Variants in CTNNA3 observed in about 807,000 individuals in gnomAD.
CTNNA3 encodes catenin alpha 3, also known as catenin alpha-3.
CTNNA3 carries 76 observed loss-of-function variants against 95.7 expected under a neutral mutation model. The ratio of observed to expected loss-of-function variants is 0.79; its 90% confidence interval spans 0.66 to 0.96. The LOEUF (loss-of-function observed/expected upper bound fraction) is 0.96, where lower values mean the gene tolerates loss of function less well. Among genes scored for constraint, CTNNA3 ranks in the 40% least tolerant of loss-of-function variants. CTNNA3 has a pLI of 0.00. For synonymous variants in CTNNA3, 431 were observed against 374.4 expected (o/e 1.15, Z -1.74); for missense variants, 1,191 against 1,089.8 (o/e 1.09, Z -1.31).
chr10:66,003,539 G>GA, intron 15 of CTNNA3, among the ~76,000 whole-genome samples: 1 of 152,072 alleles, frequency 6.6e-6, no homozygotes, highest in Middle Eastern at 3.4e-3. Context: ...AAAATCCCAA[G>GA]AAAAAACACA....
At chr10:66,415,876 A>AG (rs2093142001) in intron 11 of CTNNA3, among the ~76,000 whole-genome samples, 1 of 152,190 alleles carries the variant, frequency 6.6e-6, no homozygotes, top group African/African-American at 2.4e-5. Flanking sequence ...TGAAAAAGTT[A>AG]GAAGAAGCAA....
chr10:66,675,973 A>C (rs1280527487), intron 9 of CTNNA3, among the ~76,000 whole-genome samples: 1 of 152,104 alleles, frequency 6.6e-6, no homozygotes, highest in Admixed American at 6.6e-5. Context: ...AGAGAGGTGC[A>C]AGGTCTCAGA....
intron 7 of CTNNA3, among the ~76,000 whole-genome samples, chr10:67,164,696 C>G (rs1046144798): frequency 5.9e-5 from 9 of 152,004 alleles, no homozygotes; most frequent in Admixed American, 2.0e-4. Context: ...CAGTAAACTA[C>G]TATACAAAAA....
chr10:66,726,484 G>T (rs59425672), intron 9 of CTNNA3, among the ~76,000 whole-genome samples: 4,190 of 152,082 alleles, frequency 0.028, 164 homozygotes, highest in East Asian at 0.2. Context: ...TGTTACAGTT[G>T]GCTAGTCTGG....
chr10:66,609,490 A>T (rs1353214269), intron 10 of CTNNA3, among the ~76,000 whole-genome samples: 4 of 151,486 alleles, frequency 2.6e-5, no homozygotes, highest in Non-Finnish European at 5.9e-5. Context: ...TGGCCAAAAA[A>T]ATATGCAAAA....
intron 7 of CTNNA3, among the ~76,000 whole-genome samples, chr10:67,043,628 T>G (rs961547601): frequency 8.5e-5 from 13 of 152,180 alleles, no homozygotes; most frequent in Admixed American, 1.3e-4. Context: ...AACAATGATT[T>G]TTTTTTAAAG....
At chr10:67,481,969 C>A (rs1848250278) in intron 5 of CTNNA3, among the ~76,000 whole-genome samples, 1 of 151,918 alleles carries the variant, frequency 6.6e-6, no homozygotes, top group African/African-American at 2.4e-5. Flanking sequence ...CTCCATATGG[C>A]TAGCCAGTTT....
intron 15 of CTNNA3, among the ~76,000 whole-genome samples, chr10:66,018,656 T>C (rs2079141465): frequency 6.6e-6 from 1 of 152,134 alleles, no homozygotes; most frequent in African/African-American, 2.4e-5. Context: ...CTACAGAGAA[T>C]AATCAATTGT....
chr10:66,592,115 G>A (rs1843573268), intron 10 of CTNNA3, among the ~76,000 whole-genome samples: 2 of 151,052 alleles, frequency 1.3e-5, no homozygotes, highest in Non-Finnish European at 3.0e-5. Flanking sequence ...AAAAAAAAAT[G>A]GTGACTCATG....
intron 7 of CTNNA3, among the ~76,000 whole-genome samples, chr10:67,080,827 T>C (rs1404680498): frequency 6.6e-6 from 1 of 151,368 alleles, no homozygotes; most frequent in African/African-American, 2.4e-5. Context: ...GAGAATGGCG[T>C]GAACCCGGGA....
chr10:66,578,666 C>T (rs535116916), intron 10 of CTNNA3, among the ~76,000 whole-genome samples: 1 of 152,008 alleles, frequency 6.6e-6, no homozygotes, highest in African/African-American at 2.4e-5. Context: ...AGGAATAAAC[C>T]CTACTTGATC....
chr10:65,988,083 A>G (rs575836465), intron 16 of CTNNA3, among the ~76,000 whole-genome samples: 33 of 152,232 alleles, frequency 2.2e-4, no homozygotes, highest in Admixed American at 4.6e-4. Flanking sequence ...ACAAAAATAC[A>G]GTTATATAGG....
intron 13 of CTNNA3, among the ~76,000 whole-genome samples, chr10:66,111,867 T>C (rs914980146): frequency 6.6e-6 from 1 of 151,966 alleles, no homozygotes; most frequent in Non-Finnish European, 1.5e-5. Context: ...TAGTTGTTTT[T>C]TGTTAGGCCA....
intron 1 of CTNNA3, among the ~76,000 whole-genome samples, chr10:67,657,134 G>C (rs1840047259): frequency 6.6e-6 from 1 of 152,136 alleles, no homozygotes; most frequent in South Asian, 2.1e-4. Context: ...TTAAACATAG[G>C]CTAGAGAGAA....
At chr10:67,216,919 T>C (rs1016980588) in intron 6 of CTNNA3, among the ~76,000 whole-genome samples, 2 of 152,198 alleles carry the variant, frequency 1.3e-5, no homozygotes, top group South Asian at 4.1e-4. Flanking sequence ...CAGCCACAAA[T>C]ACAGAAGAAA....
At chr10:66,841,572 T>C (rs1843067216) in intron 7 of CTNNA3, among the ~76,000 whole-genome samples, 1 of 152,156 alleles carries the variant, frequency 6.6e-6, no homozygotes, top group Non-Finnish European at 1.5e-5. Flanking sequence ...AAAATAGCAT[T>C]AGGTAGTCAA....
At chr10:66,372,336 G>A (rs2132466032) in intron 12 of CTNNA3, among the ~76,000 whole-genome samples, 1 of 152,260 alleles carries the variant, frequency 6.6e-6, no homozygotes, top group South Asian at 2.1e-4. Context: ...CAGAATGAAA[G>A]ATGTGACCTC....
intron 1 of CTNNA3, among the ~76,000 whole-genome samples, chr10:67,758,464 A>T (rs1440626427): frequency 1.3e-5 from 2 of 152,068 alleles, no homozygotes; most frequent in Non-Finnish European, 1.5e-5. Flanking sequence ...AATTAGTAAA[A>T]GGAATGACAG....
intron 5 of CTNNA3, among the ~76,000 whole-genome samples, chr10:67,447,372 T>C (rs950615738): frequency 1.3e-5 from 2 of 152,220 alleles, no homozygotes; most frequent in African/African-American, 4.8e-5. Context: ...TGCAACACAA[T>C]CTAGTTTAAT....
Sources: gnomAD v4.1 joint callset for allele counts (sites outside exome capture counted in the v4.1 genomes callset) on GRCh38, gnomAD v4.1.1 for gene constraint, MANE v1.5 for transcripts, NCBI Gene and HGNC (gene_info 2026-07-23, HGNC 2026-07-21) for gene names.